GCSAML: variants seen among roughly 807,000 people sequenced by gnomAD.
The protein encoded by GCSAML is germinal center-associated signaling and motility-like protein.
A neutral mutation model predicts 13.0 loss-of-function variants in GCSAML; 9 were observed. The ratio of observed to expected loss-of-function variants is 0.69; its 90% confidence interval spans 0.42 to 1.21. The LOEUF is 1.21. Ranked by LOEUF, GCSAML falls within the 50% of genes most tolerant of loss-of-function variation. GCSAML has a pLI of 0.00. For missense variants in GCSAML, 143 were observed against 153.4 expected (o/e 0.93, Z 0.36); for synonymous variants, 37 against 52.9 (o/e 0.70, Z 1.31).
At chr1:247,560,803 G>C (rs1343286982) in intron 2 of GCSAML, among the ~76,000 whole-genome samples, 1 of 152,216 alleles carries the variant, frequency 6.6e-6, no homozygotes, top group East Asian at 1.9e-4. Flanking sequence ...CGAATTTCAA[G>C]CACACGTTGT....
At chr1:247,563,510 C>T (rs2103057375) in intron 2 of GCSAML, 80 bp from the exon 3 acceptor site, 2 of 766,732 alleles carry the variant, frequency 2.6e-6, no homozygotes, top group Non-Finnish European at 4.4e-6. Flanking sequence ...AGGTTAAGGG[C>T]AACCAAATGC....
At chr1:247,573,318 G>A (rs1255542772) in intron 4 of GCSAML, among the ~76,000 whole-genome samples, 3 of 152,198 alleles carry the variant, frequency 2.0e-5, no homozygotes, top group Non-Finnish European at 2.9e-5. Flanking sequence ...CCCTTGTGGT[G>A]TAGGCACCCA....
At chr1:247,524,296 C>A (rs1433936178) in intron 1 of GCSAML, among the ~76,000 whole-genome samples, 1 of 152,160 alleles carries the variant, frequency 6.6e-6, no homozygotes, top group Non-Finnish European at 1.5e-5. Context: ...GCCACACCAG[C>A]CTTTCTACAC....
intron 1 of GCSAML, among the ~76,000 whole-genome samples, chr1:247,549,973 G>C (rs1046216406): frequency 6.6e-6 from 1 of 152,128 alleles, no homozygotes; most frequent in Non-Finnish European, 1.5e-5. Context: ...ATAGACCCAA[G>C]GCAAAACTCT....
At chr1:247,518,418 C>T (rs1415750247) in intron 1 of GCSAML, 2 of 152,352 alleles carry the variant, frequency 1.3e-5, no homozygotes, top group African/African-American at 4.8e-5. Flanking sequence ...CGCATGCGGT[C>T]TCAGCGCCCG....
intron 1 of GCSAML, among the ~76,000 whole-genome samples, chr1:247,508,735 C>T (rs1665914265): frequency 6.6e-6 from 1 of 152,148 alleles, no homozygotes; most frequent in African/African-American, 2.4e-5. Context: ...ATGTGGCTAG[C>T]CAGTTTTCCC....
intron 2 of GCSAML, among the ~76,000 whole-genome samples, chr1:247,562,538 A>G (rs573605160): frequency 6.6e-6 from 1 of 152,324 alleles, no homozygotes; most frequent in Non-Finnish European, 1.5e-5. Context: ...AAATCCAGGC[A>G]GTGATTGTGG....
intron 4 of GCSAML, among the ~76,000 whole-genome samples, chr1:247,568,024 TG>T (rs1247696114): frequency 6.6e-6 from 1 of 152,180 alleles, no homozygotes; most frequent in Non-Finnish European, 1.5e-5. Context: ...TTGATGGGGT[TG>T]TTTTTTTCTT....
intron 3 of GCSAML, among the ~76,000 whole-genome samples, chr1:247,564,017 C>T (rs552250116): frequency 3.9e-4 from 59 of 151,998 alleles, no homozygotes; most frequent in Non-Finnish European, 6.2e-4. Flanking sequence ...ACTGTAACCC[C>T]CCGCCTTCCG....
chr1:247,528,809 TGGA>T (rs1666789772), intron 2 of GCSAML: 1 of 152,194 alleles, frequency 6.6e-6, no homozygotes, highest in Admixed American at 6.5e-5. Flanking sequence ...CAGGCAAATC[TGGA>T]GAAGAGGACA....
chr1:247,546,575 A>G (rs1667585748), upstream of GCSAML, among the ~76,000 whole-genome samples: 1 of 151,796 alleles, frequency 6.6e-6, no homozygotes, highest in Non-Finnish European at 1.5e-5. Flanking sequence ...GTTAGCCAGG[A>G]TGGTCTCAAT....
At chr1:247,531,605 G>T in intron 2 of GCSAML, 1 of 1,614,164 alleles carries the variant, frequency 6.2e-7, no homozygotes, top group Non-Finnish European at 8.5e-7. Flanking sequence ...ACCATGTGCC[G>T]GAGGGCGCTC....
chr1:247,539,803 G>A (rs1268918953), intron 2 of GCSAML, among the ~76,000 whole-genome samples: 2 of 152,130 alleles, frequency 1.3e-5, no homozygotes, highest in Non-Finnish European at 2.9e-5. Context: ...TAGATTACTT[G>A]TATTAAAATC....
intron 1 of GCSAML, among the ~76,000 whole-genome samples, chr1:247,550,789 A>T (rs990061532): frequency 8.5e-5 from 13 of 152,152 alleles, no homozygotes; most frequent in African/African-American, 2.4e-4. Context: ...CTAAAGAAAA[A>T]ATGTTTCCCT....
chr1:247,521,358 CTCTCCACGG>C (rs1234191777), intron 1 of GCSAML, among the ~76,000 whole-genome samples: 1 of 88,760 alleles, frequency 1.1e-5, no homozygotes, highest in Non-Finnish European at 2.3e-5. Flanking sequence ...CTCCCTCTCC[CTCTCCACGG>C]TCTCCCTCTC....
chr1:247,516,549 GACTGT>G, intron 1 of GCSAML, among the ~76,000 whole-genome samples: 1 of 126,160 alleles, frequency 7.9e-6, no homozygotes, highest in East Asian at 2.8e-4. Flanking sequence ...CTTTCATGTT[GACTGT>G]TTTTTTTTTT....
At chr1:247,515,311 C>T (rs933426320) in intron 1 of GCSAML, among the ~76,000 whole-genome samples, 5 of 152,192 alleles carry the variant, frequency 3.3e-5, no homozygotes, top group African/African-American at 7.2e-5. Flanking sequence ...GACTTTTCCC[C>T]TGTGTGAAGT....
At chr1:247,518,088 G>A (rs1042670724) in intron 1 of GCSAML, among the ~76,000 whole-genome samples, 11 of 152,206 alleles carry the variant, frequency 7.2e-5, no homozygotes, top group African/African-American at 2.7e-4. Flanking sequence ...TCTCCCAAGT[G>A]CTAGTTAACC....
chr1:247,562,226 C>T (rs148519603), intron 2 of GCSAML, among the ~76,000 whole-genome samples: 3,008 of 152,196 alleles, frequency 0.02, 98 homozygotes, highest in Admixed American at 0.082. Context: ...GAATATGGAG[C>T]CATGAGTAAG....
Sources: allele counts gnomAD v4.1 joint callset (sites outside exome capture counted in the v4.1 genomes callset), GRCh38; gene constraint gnomAD v4.1.1; transcripts MANE v1.5; gene names NCBI Gene and HGNC (gene_info 2026-07-23, HGNC 2026-07-21).